Variants in GALNT13 observed in about 807,000 individuals in gnomAD.
GALNT13 encodes UDP-GalNAc:polypeptide N-acetylgalactosaminyltransferase 13.
In GALNT13, 28 loss-of-function variants were observed where a neutral mutation model predicts 64.2. The ratio of observed to expected loss-of-function variants is 0.44; its 90% confidence interval spans 0.32 to 0.60. GALNT13 has a LOEUF of 0.60. Among genes scored for constraint, GALNT13 ranks in the 20% least tolerant of loss-of-function variants. The pLI is 0.05. For synonymous variants in GALNT13, 214 were observed against 224.6 expected, an observed-to-expected ratio of 0.95 and a Z score of 0.42; for missense variants, 577 against 669.8, an observed-to-expected ratio of 0.86 and a Z score of 1.53.
the GALNT13 span, among the ~76,000 whole-genome samples, chr2:153,202,992 A>G: frequency 6.6e-6 from 1 of 151,994 alleles, no homozygotes; most frequent in Non-Finnish European, 1.5e-5. Flanking sequence ...TCTTACCTCC[A>G]GTTTCTTCAG....
chr2:153,657,411 A>G, the GALNT13 span, among the ~76,000 whole-genome samples: 1 of 152,136 alleles, frequency 6.6e-6, no homozygotes, highest in Non-Finnish European at 1.5e-5. Flanking sequence ...GCTGTGTGAC[A>G]GGCATGGTAC....
chr2:153,385,696 TAACTA>T, the GALNT13 span, among the ~76,000 whole-genome samples: 2 of 151,898 alleles, frequency 1.3e-5, no homozygotes, highest in African/African-American at 4.8e-5. Context: ...CATTTAAAAA[TAACTA>T]AAAGAGCATT....
At position 154,053,129 on chromosome 2, in the gene GALNT13, T is replaced by G. The variant is rs188792819; in HGVS notation, c.143-87208T>G. 2.4e-4 allele frequency among the ~76,000 whole-genome samples: 36 copies of G among 152,326 alleles called. No homozygotes were observed. In the East Asian group the frequency reaches 6.4e-3, roughly 27 times the overall value. The stretch of plus-strand genomic sequence containing the variant: ...TGATGTAATTTGATAGAAATTCAGT[T>G]GAACTTAGTTCTTAAAGATATCTGA... On this transcript the variant is annotated intron_variant, in intron 3 of 12. Coordinates refer to ENST00000392825, the MANE Select transcript of GALNT13 (RefSeq NM_052917.4).
At chr2:153,533,900 C>T in the GALNT13 span, among the ~76,000 whole-genome samples, 1 of 151,024 alleles carries the variant, frequency 6.6e-6, no homozygotes, top group Non-Finnish European at 1.5e-5. Flanking sequence ...CTATTCTTGT[C>T]TTTTTTTATT....
chr2:153,429,461 C>CA, the GALNT13 span, among the ~76,000 whole-genome samples: 2 of 151,856 alleles, frequency 1.3e-5, no homozygotes, highest in Admixed American at 1.3e-4. Flanking sequence ...GTTCATTTGA[C>CA]AAAAAAATGA....
At chr2:153,581,871 T>A in the GALNT13 span, among the ~76,000 whole-genome samples, 1 of 152,138 alleles carries the variant, frequency 6.6e-6, no homozygotes, top group Non-Finnish European at 1.5e-5. Flanking sequence ...TTTATTTCTT[T>A]TCTTATTTGA....
chr2:153,769,107 T>A, the GALNT13 span, among the ~76,000 whole-genome samples: 8 of 152,170 alleles, frequency 5.3e-5, no homozygotes, highest in Non-Finnish European at 1.2e-4. Context: ...AGGTTAATAT[T>A]ATTATGTGGG....
At chr2:153,267,493 G>A in the GALNT13 span, among the ~76,000 whole-genome samples, 1 of 152,326 alleles carries the variant, frequency 6.6e-6, no homozygotes, top group East Asian at 1.9e-4. Context: ...AGCCACCAAG[G>A]ATTGGGGCTT....
chr2:153,075,712 G>T, the GALNT13 span, among the ~76,000 whole-genome samples: 2 of 152,014 alleles, frequency 1.3e-5, no homozygotes, highest in Non-Finnish European at 1.5e-5. Context: ...GATATGTCCA[G>T]AAAAATCAAG....
the GALNT13 span, among the ~76,000 whole-genome samples, chr2:153,802,961 A>T: frequency 6.6e-6 from 1 of 152,234 alleles, no homozygotes; most frequent in Non-Finnish European, 1.5e-5. Context: ...TTTAGAGGAA[A>T]TCTTGATTCT....
chr2:154,211,175 T>C (rs1392466942), intron 4 of GALNT13, among the ~76,000 whole-genome samples: 1 of 152,142 alleles, frequency 6.6e-6, no homozygotes, highest in African/African-American at 2.4e-5. Context: ...GCAAACATCA[T>C]AGAGTGTACT....
the GALNT13 span, among the ~76,000 whole-genome samples, chr2:153,254,304 C>T: frequency 2.1e-5 from 3 of 144,950 alleles, no homozygotes; most frequent in South Asian, 6.5e-4. Flanking sequence ...TCTGTGGGAT[C>T]GGTGGTGATA....
In GALNT13 at chr2:154,019,850, C is replaced by A. The variant is rs1253464630; in HGVS notation, c.142+75211C>A. 3.9e-5 allele frequency among the ~76,000 whole-genome samples: 6 copies of A among 152,050 alleles called. No homozygotes were observed. The East Asian group carries it at 9.7e-4, about 25-fold the overall frequency. On this transcript the variant is annotated intron_variant, in intron 3 of 12. Transcript: ENST00000392825. ...ATATCTCCTAATGCTATCCCTCCCC[C>A]CTACCCCCACCCCACAACAGTCCCC...
intron 3 of GALNT13, among the ~76,000 whole-genome samples, chr2:154,139,072 C>T (rs1479086567): frequency 6.6e-6 from 1 of 151,888 alleles, no homozygotes; most frequent in Non-Finnish European, 1.5e-5. Flanking sequence ...CAAGGCCAAT[C>T]ACTTTTTTTT....
the GALNT13 span, among the ~76,000 whole-genome samples, chr2:153,102,210 C>G: frequency 6.6e-6 from 1 of 152,084 alleles, no homozygotes; most frequent in African/African-American, 2.4e-5. Context: ...CTATCTCCCT[C>G]TCTCTGTCTT....
At chr2:153,525,946 C>T in the GALNT13 span, among the ~76,000 whole-genome samples, 1 of 152,224 alleles carries the variant, frequency 6.6e-6, no homozygotes, top group Non-Finnish European at 1.5e-5. Flanking sequence ...GTGGTGGAAG[C>T]CGCAGATGAG....
At chr2:154,220,477 G>C (rs1369615776) in intron 4 of GALNT13, among the ~76,000 whole-genome samples, 2 of 151,930 alleles carry the variant, frequency 1.3e-5, no homozygotes, top group Non-Finnish European at 2.9e-5. Flanking sequence ...TAGGTCTTAA[G>C]CTCTTAAATT....
At chr2:153,678,387 T>G in the GALNT13 span, among the ~76,000 whole-genome samples, 1 of 152,048 alleles carries the variant, frequency 6.6e-6, no homozygotes, top group Non-Finnish European at 1.5e-5. Flanking sequence ...GCAACATGAA[T>G]GGAGCTGGAG....
chr2:154,012,174 T>C (rs1048427923), intron 3 of GALNT13, among the ~76,000 whole-genome samples: 1 of 152,202 alleles, frequency 6.6e-6, no homozygotes, highest in Non-Finnish European at 1.5e-5. Flanking sequence ...GTGGACTATG[T>C]ACTTAGTTGT....
Sources: allele counts gnomAD v4.1 joint callset (sites outside exome capture counted in the v4.1 genomes callset), GRCh38; gene constraint gnomAD v4.1.1; transcripts MANE v1.5; gene names NCBI Gene and HGNC (gene_info 2026-07-23, HGNC 2026-07-21).